DOCK3: variants seen among roughly 807,000 people sequenced by gnomAD.
DOCK3 encodes dedicator of cytokinesis 3.
A neutral mutation model predicts 265.6 loss-of-function variants in DOCK3; 60 were observed. That is an observed-to-expected ratio of 0.23 (90% CI 0.18 to 0.28). DOCK3 has a LOEUF of 0.28. DOCK3 is among the 10% of genes least tolerant of loss of function. DOCK3 has a pLI of 1.00. For synonymous variants in DOCK3, 881 were observed against 938.0 expected, an observed-to-expected ratio of 0.94 and a Z score of 1.11; for missense variants, 1,981 against 2,594.3, an observed-to-expected ratio of 0.76 and a Z score of 5.14.
At chr3:51,142,552 T>C (rs1166736309) in intron 9 of DOCK3, among the ~76,000 whole-genome samples, 1 of 152,216 alleles carries the variant, frequency 6.6e-6, no homozygotes, top group African/African-American at 2.4e-5. Context: ...TCATCCATAT[T>C]ATTATACATC....
At chr3:50,856,539 G>T (rs1196024268) in intron 3 of DOCK3, among the ~76,000 whole-genome samples, 1 of 150,734 alleles carries the variant, frequency 6.6e-6, no homozygotes, top group Non-Finnish European at 1.5e-5. Flanking sequence ...GGGGTTATTT[G>T]TTTTTTTTCT....
chr3:51,253,984 G>T (rs1019449722), intron 22 of DOCK3, among the ~76,000 whole-genome samples: 3 of 152,082 alleles, frequency 2.0e-5, no homozygotes, highest in African/African-American at 7.2e-5. Flanking sequence ...GATCTTTCCT[G>T]TTTTCTCCTG....
chr3:51,066,765 G>C (rs143795799), intron 6 of DOCK3, among the ~76,000 whole-genome samples: 2 of 152,282 alleles, frequency 1.3e-5, no homozygotes, highest in African/African-American at 2.4e-5. Flanking sequence ...CAGTAGAAAA[G>C]AGGAAATATA....
intron 23 of DOCK3, among the ~76,000 whole-genome samples, chr3:51,266,798 A>G (rs1429706581): frequency 1.3e-5 from 2 of 152,220 alleles, no homozygotes; most frequent in African/African-American, 2.4e-5. Context: ...CACCAAAAGC[A>G]GTGGCATCAA....
intron 5 of DOCK3, among the ~76,000 whole-genome samples, chr3:51,013,128 G>A (rs1431843973): frequency 2.0e-5 from 3 of 152,122 alleles, no homozygotes; most frequent in Non-Finnish European, 4.4e-5. Context: ...TGTTATTACC[G>A]ACTTTCTGAA....
chr3:51,341,232 CA>C lies in DOCK3; in HGVS notation c.3767-4del, dbSNP rs1339714036. 1.3e-6 allele frequency: 2 copies of C among 1,567,058 alleles called. No individual in the cohort carries two copies. The highest frequency in any genetic ancestry group is 1.3e-5 in the African/African-American group (1 of 74,272). ...CCTGGACCTCCATGCTGTCTGTCCC[CA>C]CAGAGGCCGCATTTACCCTGCTCCT... On this transcript the variant is annotated splice_region_variant and splice_polypyrimidine_tract_variant and intron_variant, in intron 37 of 52. Transcript: ENST00000266037.
intron 2 of DOCK3, among the ~76,000 whole-genome samples, chr3:50,818,264 C>G (rs141193246): frequency 6.6e-6 from 1 of 152,348 alleles, no homozygotes; most frequent in East Asian, 1.9e-4. Context: ...CAGCCCCATA[C>G]CGTACTCAGG....
At chr3:50,697,473 C>T (rs1004110966) in intron 1 of DOCK3, among the ~76,000 whole-genome samples, 2 of 152,022 alleles carry the variant, frequency 1.3e-5, no homozygotes, top group African/African-American at 4.8e-5. Context: ...TGCCTGTAAT[C>T]CCAGCTACTT....
At chr3:50,678,001 C>A (rs1464727515) in intron 1 of DOCK3, among the ~76,000 whole-genome samples, 1 of 151,740 alleles carries the variant, frequency 6.6e-6, no homozygotes, top group Non-Finnish European at 1.5e-5. Context: ...AACCCCATGT[C>A]GATTCCCAGA....
intron 5 of DOCK3, among the ~76,000 whole-genome samples, chr3:51,009,345 G>T (rs528077730): frequency 6.6e-6 from 1 of 152,174 alleles, no homozygotes; most frequent in African/African-American, 2.4e-5. Flanking sequence ...TTTAGTCTTG[G>T]GAGGATGTAT....
At chr3:51,111,866 AAAC>A (rs902574632) in intron 9 of DOCK3, among the ~76,000 whole-genome samples, 4 of 152,192 alleles carry the variant, frequency 2.6e-5, no homozygotes, top group African/African-American at 9.6e-5. Context: ...TACAAGAAAA[AAAC>A]AACTTCAATA....
intron 5 of DOCK3, among the ~76,000 whole-genome samples, chr3:50,938,506 A>C (rs1267953580): frequency 6.6e-6 from 1 of 152,162 alleles, no homozygotes; most frequent in Non-Finnish European, 1.5e-5. Flanking sequence ...CAAGATAGAC[A>C]ATATCTTAGT....
intron 12 of DOCK3, among the ~76,000 whole-genome samples, chr3:51,192,968 G>A (rs1022106002): frequency 1.3e-5 from 2 of 152,282 alleles, no homozygotes; most frequent in African/African-American, 4.8e-5. Context: ...TAGGAATGGT[G>A]AAGGTGGATA....
chr3:50,765,023 A>G (rs889793002), intron 1 of DOCK3, among the ~76,000 whole-genome samples: 2 of 150,980 alleles, frequency 1.3e-5, no homozygotes, highest in Admixed American at 6.6e-5. Flanking sequence ...TGGCCTCCCA[A>G]AGTGCTGGGA....
chr3:50,719,822 G>T (rs2037361289), intron 1 of DOCK3: 1 of 769,018 alleles, frequency 1.3e-6, no homozygotes, highest in African/African-American at 1.7e-5. Context: ...TTCTGTGAAA[G>T]CAGGAACACT....
chr3:51,272,902 C>T (rs1465558153), intron 24 of DOCK3, among the ~76,000 whole-genome samples: 1 of 152,022 alleles, frequency 6.6e-6, no homozygotes, highest in Admixed American at 6.5e-5. Context: ...CGGTGGCTCA[C>T]GCCTGTAATC....
chr3:51,023,361 A>G (rs2079677878), intron 5 of DOCK3, among the ~76,000 whole-genome samples: 1 of 149,384 alleles, frequency 6.7e-6, no homozygotes, highest in African/African-American at 2.5e-5. Flanking sequence ...TGCATTTTGT[A>G]TTTTCCTAAG....
chr3:51,096,932 G>T (rs1267235159), intron 9 of DOCK3, among the ~76,000 whole-genome samples: 1 of 152,144 alleles, frequency 6.6e-6, no homozygotes, highest in Non-Finnish European at 1.5e-5. Context: ...GTTTGCCTGG[G>T]TATCACCAGC....
intron 1 of DOCK3, among the ~76,000 whole-genome samples, chr3:50,746,299 G>A (rs895343673): frequency 6.6e-6 from 1 of 151,892 alleles, no homozygotes; most frequent in South Asian, 2.1e-4. Flanking sequence ...TAGAGATGGG[G>A]TTTCACCATG....
Sources: allele counts gnomAD v4.1 joint callset (sites outside exome capture counted in the v4.1 genomes callset), GRCh38; gene constraint gnomAD v4.1.1; transcripts MANE v1.5; gene names NCBI Gene and HGNC (gene_info 2026-07-23, HGNC 2026-07-21).